Variants in PTPRD observed in about 807,000 individuals in gnomAD.
PTPRD encodes the protein receptor-type tyrosine-protein phosphatase delta.
Under a neutral mutation model 214.5 loss-of-function variants are expected in PTPRD, and 34 were observed. The observed-to-expected ratio is 0.16, with a 90% confidence interval of 0.12 to 0.21. The LOEUF is 0.21. Ranked by LOEUF, PTPRD falls within the 10% of genes least tolerant of loss-of-function variation. PTPRD has a pLI of 1.00. For synonymous variants in PTPRD, 1,128 were observed against 845.7 expected (o/e 1.33, Z -5.79); for missense variants, 2,545 against 2,398.7 (o/e 1.06, Z -1.27).
chr9:8,706,072 G>C (rs1053566399), intron 12 of PTPRD, among the ~76,000 whole-genome samples: 2 of 152,078 alleles, frequency 1.3e-5, no homozygotes, highest in Non-Finnish European at 2.9e-5. Flanking sequence ...CCAAAGAACT[G>C]CCAGACTCAC....
intron 9 of PTPRD, among the ~76,000 whole-genome samples, chr9:9,325,208 G>T (rs1435393457): frequency 6.6e-6 from 1 of 152,166 alleles, no homozygotes; most frequent in Non-Finnish European, 1.5e-5. Flanking sequence ...CTTTAAAGTA[G>T]TTTTCTCCAA....
intron 9 of PTPRD, among the ~76,000 whole-genome samples, chr9:9,303,120 G>A (rs754119169): frequency 1.3e-5 from 2 of 151,912 alleles, no homozygotes; most frequent in East Asian, 3.9e-4. Context: ...ATCAATGAGG[G>A]AGATAATTTG....
At chr9:9,950,786 T>G (rs2093381096) in intron 4 of PTPRD, among the ~76,000 whole-genome samples, 1 of 149,578 alleles carries the variant, frequency 6.7e-6, no homozygotes, top group South Asian at 2.1e-4. Context: ...TCAAACTATC[T>G]TTTATACCCC....
rs541789455 is a variant in PTPRD at position 9,323,268 on chromosome 9, T to C, written c.-203+74181A>G. Among the ~76,000 whole-genome samples the C allele has an allele frequency of 5.9e-5, 9 of 152,088 alleles. No homozygotes were observed. In the East Asian group the frequency reaches 1.5e-3, roughly 26 times the overall value. On this transcript the variant is annotated intron_variant, in intron 9 of 45. Transcript: ENST00000381196. Reference sequence around the variant, plus strand: ...TAAAAAAGACAAAGACAAGACTTCATATGATTTGTTAAATCGATAATAATG... The same window carrying C: ...TAAAAAAGACAAAGACAAGACTTCACATGATTTGTTAAATCGATAATAATG...
At chr9:9,819,536 A>T (rs2049978228) in intron 5 of PTPRD, among the ~76,000 whole-genome samples, 1 of 152,158 alleles carries the variant, frequency 6.6e-6, no homozygotes, top group South Asian at 2.1e-4. Flanking sequence ...TTAGCTTCAT[A>T]GGGTACATGT....
intron 4 of PTPRD, among the ~76,000 whole-genome samples, chr9:9,997,939 A>G (rs1339807550): frequency 6.6e-6 from 1 of 151,694 alleles, no homozygotes; most frequent in Admixed American, 6.6e-5. Flanking sequence ...CAGGTTTTTC[A>G]CAGGCTACAT....
intron 2 of PTPRD, among the ~76,000 whole-genome samples, chr9:10,553,351 T>TA (rs1441649226): frequency 1.3e-5 from 2 of 152,046 alleles, no homozygotes; most frequent in Non-Finnish European, 2.9e-5. Context: ...TCTTTATTTT[T>TA]TTTTTTTTTA....
chr9:9,514,997 A>T (rs16929645), intron 8 of PTPRD, among the ~76,000 whole-genome samples: 5,491 of 152,212 alleles, frequency 0.036, 129 homozygotes, highest in African/African-American at 0.063. Flanking sequence ...GCAAGAGGTC[A>T]TGAACCATTT....
chr9:8,425,102 AAAT>A (rs1350536886), intron 35 of PTPRD, among the ~76,000 whole-genome samples: 1 of 152,218 alleles, frequency 6.6e-6, no homozygotes, highest in Non-Finnish European at 1.5e-5. Flanking sequence ...AAACCATGAC[AAAT>A]AATACTGCCA....
intron 35 of PTPRD, among the ~76,000 whole-genome samples, chr9:8,416,665 G>A (rs1237472073): frequency 6.6e-6 from 1 of 151,802 alleles, no homozygotes; most frequent in Non-Finnish European, 1.5e-5. Context: ...ATACTGAAGG[G>A]CCAACACAAG....
rs371456119 is a variant in PTPRD, at chr9:8,973,396, C to T, written c.-104+45301G>A. Among the ~76,000 whole-genome samples, 53 of 152,154 alleles carry T rather than the reference C, an allele frequency of 3.5e-4. 1 individual carries two copies. The South Asian group carries it at 0.011, about 30-fold the overall frequency. On this transcript the variant is annotated intron_variant, in intron 11 of 45. Transcript: ENST00000381196. ...CATGTTGCTGCAAAGGACATGATTTCATTCTTTTTTATGGCTGCGTAGTAT... is the reference window on the plus strand; with the variant it reads ...CATGTTGCTGCAAAGGACATGATTTTATTCTTTTTTATGGCTGCGTAGTAT...
intron 14 of PTPRD, among the ~76,000 whole-genome samples, chr9:8,606,615 T>C (rs574675617): frequency 1.3e-5 from 2 of 152,338 alleles, no homozygotes; most frequent in South Asian, 2.1e-4. Flanking sequence ...CTTCACTACA[T>C]GATGCTTGAT....
Position 8,645,609 on chromosome 9 carries a change from G to A in PTPRD, c.65-8765C>T, listed in dbSNP as rs80201079. 5.9e-5 allele frequency among the ~76,000 whole-genome samples: 9 copies of A among 152,074 alleles called. No homozygotes were observed. In the East Asian group the frequency reaches 1.7e-3, roughly 29 times the overall value. ...ACTACCAATATCTAATTTTTCAAAG[G>A]GCTGATAGGCACACTGACAGACAGG... is the stretch of plus-strand genomic sequence containing the variant. On this transcript the variant is annotated intron_variant, in intron 12 of 45. Transcript: ENST00000381196.
At chr9:8,413,275 T>G (rs1297550733) in intron 35 of PTPRD, among the ~76,000 whole-genome samples, 1 of 152,204 alleles carries the variant, frequency 6.6e-6, no homozygotes, top group East Asian at 1.9e-4. Context: ...ATATTTAGTT[T>G]CAGATGCAGG....
intron 10 of PTPRD, among the ~76,000 whole-genome samples, chr9:9,148,235 T>C (rs966446501): frequency 2.6e-5 from 4 of 152,194 alleles, no homozygotes; most frequent in Admixed American, 6.5e-5. Flanking sequence ...ATAGGCTTTA[T>C]GAAATTACTT....
chr9:10,310,211 G>A (rs1334172639), intron 3 of PTPRD, among the ~76,000 whole-genome samples: 1 of 152,018 alleles, frequency 6.6e-6, no homozygotes, highest in East Asian at 1.9e-4. Flanking sequence ...ACAAACTGAA[G>A]ATTCTAAAAA....
chr9:9,841,922 G>C, intron 5 of PTPRD, among the ~76,000 whole-genome samples: 1 of 151,894 alleles, frequency 6.6e-6, no homozygotes, highest in Non-Finnish European at 1.5e-5. Context: ...AAATATGTTG[G>C]AAAGTACACA....
chr9:9,820,543 C>T (rs749760231), intron 5 of PTPRD, among the ~76,000 whole-genome samples: 2 of 152,058 alleles, frequency 1.3e-5, no homozygotes, highest in Non-Finnish European at 2.9e-5. Flanking sequence ...AGGGCTTAGT[C>T]ATAAATTCTT....
chr9:9,222,778 A>C (rs2099957015), intron 9 of PTPRD, among the ~76,000 whole-genome samples: 1 of 152,176 alleles, frequency 6.6e-6, no homozygotes, highest in Admixed American at 6.6e-5. Context: ...TGCGAATAAA[A>C]GTGACATATT....
Sources: gnomAD v4.1 joint callset for allele counts (sites outside exome capture counted in the v4.1 genomes callset) on GRCh38, gnomAD v4.1.1 for gene constraint, MANE v1.5 for transcripts, NCBI Gene and HGNC (gene_info 2026-07-23, HGNC 2026-07-21) for gene names.